The following RARS2 variants were observed in gnomAD, a reference collection of about 807,000 sequenced individuals.
RARS2 encodes probable arginine--tRNA ligase, mitochondrial.
Under a neutral mutation model 88.5 loss-of-function variants are expected in RARS2, and 67 were observed. That is an observed-to-expected ratio of 0.76 (90% confidence interval 0.62 to 0.93). RARS2 has a LOEUF of 0.93. RARS2 is among the 40% of genes least tolerant of loss of function. The probability of loss-of-function intolerance (pLI) is 0.00; values close to 1 mark genes in which losing one functional copy is unlikely to be tolerated. For missense variants in RARS2, 664 were observed against 684.2 expected, an observed-to-expected ratio of 0.97 and a Z score of 0.33; for synonymous variants, 239 against 230.3, an observed-to-expected ratio of 1.04 and a Z score of -0.34.
intron 1 of RARS2, among the ~76,000 whole-genome samples, chr6:87,571,251 C>T (rs367780562): frequency 1.6e-4 from 25 of 152,238 alleles, no homozygotes; most frequent in African/African-American, 5.1e-4. Context: ...CCCCACCCTT[C>T]GCTCAACACT....
chr6:87,587,924 C>G (rs1248719495), intron 1 of RARS2, among the ~76,000 whole-genome samples: 1 of 152,088 alleles, frequency 6.6e-6, no homozygotes, highest in Non-Finnish European at 1.5e-5. Flanking sequence ...GTGTGTGCCA[C>G]TACACCTAAG....
intron 6 of RARS2, among the ~76,000 whole-genome samples, chr6:87,546,017 A>T (rs78276660): frequency 6.6e-6 from 1 of 152,172 alleles, no homozygotes; most frequent in Non-Finnish European, 1.5e-5. Context: ...AAAAAAAAAA[A>T]ATCCCAGTAA....
At chr6:87,553,954 T>C (rs1582631040) in intron 5 of RARS2, among the ~76,000 whole-genome samples, 3 of 152,154 alleles carry the variant, frequency 2.0e-5, no homozygotes, top group South Asian at 4.1e-4. Context: ...AGAAGACAAG[T>C]GAGTGGCAGA....
At chr6:87,532,332 T>A (rs1217539244) in intron 8 of RARS2, among the ~76,000 whole-genome samples, 5 of 152,234 alleles carry the variant, frequency 3.3e-5, no homozygotes, top group Admixed American at 3.3e-4. Flanking sequence ...TTTGGGAATG[T>A]CTCCACCAAC....
intron 10 of RARS2, among the ~76,000 whole-genome samples, chr6:87,525,500 A>T (rs1048827038): frequency 2.0e-5 from 3 of 152,212 alleles, no homozygotes; most frequent in African/African-American, 7.2e-5. Flanking sequence ...TGAATTTCAT[A>T]AAGTTGCAGT....
chr6:87,561,072 CCTA>C (rs1787714170), intron 4 of RARS2, among the ~76,000 whole-genome samples: 1 of 152,004 alleles, frequency 6.6e-6, no homozygotes, highest in East Asian at 1.9e-4. Flanking sequence ...AGAGTATTAT[CCTA>C]CTTATTAAAA....
At chr6:87,567,878 T>C (rs993425862) in intron 2 of RARS2, among the ~76,000 whole-genome samples, 1 of 152,164 alleles carries the variant, frequency 6.6e-6, no homozygotes, top group Non-Finnish European at 1.5e-5. Flanking sequence ...TTCAAGCGGT[T>C]CTCCTGCCTC....
intron 11 of RARS2, among the ~76,000 whole-genome samples, chr6:87,522,327 C>T (rs1774158734): frequency 8.9e-6 from 1 of 112,320 alleles, no homozygotes; most frequent in East Asian, 2.6e-4. Flanking sequence ...AAGACACCGT[C>T]TCAATTAAAA....
intron 1 of RARS2, among the ~76,000 whole-genome samples, chr6:87,572,564 T>C (rs192356377): frequency 3.8e-4 from 58 of 152,270 alleles, no homozygotes; most frequent in African/African-American, 1.2e-3. Flanking sequence ...TCTTCTTCTT[T>C]TTTTTTCTTT....
intron 1 of RARS2, among the ~76,000 whole-genome samples, chr6:87,575,800 C>T (rs1219427241): frequency 4.6e-5 from 7 of 151,910 alleles, no homozygotes; most frequent in Admixed American, 4.6e-4. Flanking sequence ...ACTAGACCTC[C>T]ATGCATCATT....
rs28381459 is a variant in RARS2 at position 87,589,965 on chromosome 6, T to G, written c.-8A>C. 5,518 of 1,614,218 alleles carry G rather than the reference T, an allele frequency of 3.4e-3. 15 individuals are homozygous for G. Among genetic ancestry groups the G allele is most frequent in the Non-Finnish European group, 4.2e-3 (4,937 of 1,180,036 alleles). On this transcript the variant is annotated 5_prime_UTR_variant, in exon 1 of 20. Transcript: ENST00000369536. The stretch of plus-strand genomic sequence containing the variant: ...GCGAAAGCCGCACGCCATGTCCACC[T>G]CTACGGAAGTGCGCCGCAGTCCGCC...
chr6:87,563,196 G>A (rs1027851318), intron 3 of RARS2, among the ~76,000 whole-genome samples: 1 of 152,174 alleles, frequency 6.6e-6, no homozygotes, highest in Non-Finnish European at 1.5e-5. Flanking sequence ...CAGATAAGAT[G>A]TAATTTAGAT....
At chr6:87,559,887 A>G (rs1042187220) in intron 4 of RARS2, among the ~76,000 whole-genome samples, 4 of 152,176 alleles carry the variant, frequency 2.6e-5, no homozygotes, top group Admixed American at 6.5e-5. Flanking sequence ...ATTTAATACC[A>G]TATTTTTACT....
chr6:87,558,297 A>G (rs943949213), intron 4 of RARS2, among the ~76,000 whole-genome samples: 2 of 152,148 alleles, frequency 1.3e-5, no homozygotes, highest in Non-Finnish European at 2.9e-5. Context: ...TACACTGTCT[A>G]TTTCCACAAA....
chr6:87,555,368 C>G (rs1322470617), intron 5 of RARS2, 40 bp downstream of exon 5: 1 of 1,499,352 alleles, frequency 6.7e-7, no homozygotes, highest in East Asian at 2.3e-5. Context: ...TCTGCCCAGT[C>G]AACTTGATTA....
At chr6:87,566,523 T>C (rs1023626812) in intron 2 of RARS2, among the ~76,000 whole-genome samples, 3 of 152,102 alleles carry the variant, frequency 2.0e-5, no homozygotes, top group South Asian at 4.1e-4. Flanking sequence ...ATCTAAGCTA[T>C]GAAAAGCAGT....
intron 1 of RARS2, among the ~76,000 whole-genome samples, chr6:87,579,556 G>C (rs780890575): frequency 4.6e-5 from 7 of 151,804 alleles, no homozygotes; most frequent in African/African-American, 1.7e-4. Flanking sequence ...TAAGAACCAC[G>C]GCTTAGGGAG....
At chr6:87,552,460 G>C (rs1167726595) in intron 5 of RARS2, among the ~76,000 whole-genome samples, 3 of 152,190 alleles carry the variant, frequency 2.0e-5, no homozygotes, top group African/African-American at 7.2e-5. Flanking sequence ...CTAGGAGATA[G>C]ACAGGCTCTG....
chr6:87,529,475 A>G, intron 10 of RARS2, 67 bp downstream of exon 10: 1 of 1,038,898 alleles, frequency 9.6e-7, no homozygotes, highest in Middle Eastern at 2.8e-4. Context: ...GTCCTTACTC[A>G]AAGGATACAT....
Sources: gnomAD v4.1 joint callset for allele counts (sites outside exome capture counted in the v4.1 genomes callset) on GRCh38, gnomAD v4.1.1 for gene constraint, MANE v1.5 for transcripts, NCBI Gene and HGNC (gene_info 2026-07-23, HGNC 2026-07-21) for gene names.